Variants in LRP12 observed in about 807,000 individuals in gnomAD.
The protein encoded by LRP12 is low-density lipoprotein receptor-related protein 12.
LRP12 carries 14 observed loss-of-function variants against 66.0 expected under a neutral mutation model. The ratio of observed to expected loss-of-function variants is 0.21; its 90% CI spans 0.14 to 0.33. The LOEUF (loss-of-function observed/expected upper bound fraction) is 0.33. Ranked by LOEUF, LRP12 falls within the 10% of genes least tolerant of loss-of-function variation. The pLI, the probability that LRP12 is intolerant of heterozygous loss-of-function variation, is 1.00. For missense variants in LRP12, 889 were observed against 1,053.4 expected, an observed-to-expected ratio of 0.84 and a Z score of 2.16; for synonymous variants, 357 against 359.1, an observed-to-expected ratio of 0.99 and a Z score of 0.07.
chr8:104,568,059 T>C (rs1812031421), intron 1 of LRP12, among the ~76,000 whole-genome samples: 1 of 152,170 alleles, frequency 6.6e-6, no homozygotes, highest in African/African-American at 2.4e-5. Flanking sequence ...GACAGTGTGG[T>C]ACTAGCATAG....
chr8:104,501,658 C>T (rs1810829253), intron 3 of LRP12, among the ~76,000 whole-genome samples: 1 of 150,482 alleles, frequency 6.6e-6, no homozygotes, highest in Admixed American at 6.6e-5. Flanking sequence ...GAGCTAAGAT[C>T]GCACCACTGC....
intron 3 of LRP12, chr8:104,508,332 C>T (rs1410437217): frequency 6.6e-6 from 1 of 152,136 alleles, no homozygotes; most frequent in Non-Finnish European, 1.5e-5. Flanking sequence ...CTTAACCTTC[C>T]TTATTTATAT....
chr8:104,526,820 A>G (rs1811246473), intron 2 of LRP12, among the ~76,000 whole-genome samples: 1 of 145,010 alleles, frequency 6.9e-6, no homozygotes, highest in Non-Finnish European at 1.5e-5. Flanking sequence ...ACAAAAGCCA[A>G]AATTGACAAA....
Position 104,497,659 on chromosome 8 carries a change from A to G in LRP12, c.893T>C (p.Ile298Thr). The change falls in exon 5 of 7, where the codon ATT (isoleucine) becomes ACT (threonine). Residue 298 changes from isoleucine (I) to threonine (T), a missense_variant. Transcript: ENST00000276654. The surrounding 1 kb of genome is among the most constrained non-coding windows in gnomAD (Gnocchi z 4.3). ...AAGTTTAAAGTCAGTGAAGCGTAAA[A>G]TGACTTTACGGTGATCACCAGTGTC... ...LIDTGDHRKV[I>T]LRFTDFKLDG... The G allele has an allele frequency of 6.2e-7, 1 of 1,614,110 alleles. No homozygotes were observed. Among genetic ancestry groups the G allele is most frequent in the Non-Finnish European group, 8.5e-7 (1 of 1,179,968 alleles).
intron 2 of LRP12, among the ~76,000 whole-genome samples, chr8:104,525,827 G>A (rs1175064437): frequency 1.3e-5 from 2 of 152,182 alleles, no homozygotes; most frequent in African/African-American, 4.8e-5. Flanking sequence ...GGAAATTCTG[G>A]CCAGGGCAAT....
intron 1 of LRP12, among the ~76,000 whole-genome samples, chr8:104,572,115 A>T (rs1812088421): frequency 6.6e-6 from 1 of 152,230 alleles, no homozygotes; most frequent in Non-Finnish European, 1.5e-5. Flanking sequence ...ATGTGCATGA[A>T]TCTCCAAGAT....
In LRP12 at chr8:104,495,079, GA is replaced by G; in HGVS notation, c.1710del (p.Gln571ArgfsTer8). ...AGAAATTACACATTGCAATATACCT[GA>G]TTAGGTGAACAAACAGGAAAATCTT... is the stretch of plus-strand genomic sequence containing the variant. ...PVEDFPVCSP[N>X]QASVLENLRL... On this transcript the variant is annotated frameshift_variant, in exon 6 of 7. Coordinates refer to ENST00000276654, the MANE Select transcript of LRP12 (RefSeq NM_013437.5). LOFTEE classifies it high-confidence loss of function. The G allele has an allele frequency of 6.2e-7, 1 of 1,613,226 alleles. No homozygotes were observed. Among genetic ancestry groups the G allele is most frequent in the Non-Finnish European group, 8.5e-7 (1 of 1,179,552 alleles).
intron 1 of LRP12, among the ~76,000 whole-genome samples, chr8:104,541,799 T>C (rs546249844): frequency 1.3e-5 from 2 of 152,326 alleles, no homozygotes; most frequent in Admixed American, 6.5e-5. Flanking sequence ...CCTAGCCTTA[T>C]GTTTTCATGA....
chr8:104,511,341 ATT>A (rs57946758), intron 2 of LRP12, among the ~76,000 whole-genome samples: 2 of 143,252 alleles, frequency 1.4e-5, no homozygotes, highest in Admixed American at 7.0e-5. Flanking sequence ...CGCGCCCAGC[ATT>A]TTTTTTTTTT....
At chr8:104,524,235 C>G (rs1208778552) in intron 2 of LRP12, among the ~76,000 whole-genome samples, 1 of 106,220 alleles carries the variant, frequency 9.4e-6, no homozygotes, top group Non-Finnish European at 1.8e-5. Flanking sequence ...AAGTCAGACC[C>G]TGTCTCAAAA....
chr8:104,497,546 CA>C lies in LRP12; in HGVS notation c.1005del (p.Phe335LeufsTer16). On this transcript the variant is annotated frameshift_variant, in exon 5 of 7. Transcript: ENST00000276654. LOFTEE classifies it high-confidence loss of function. The surrounding 1 kb of genome is among the most constrained non-coding windows in gnomAD (Gnocchi z 4.3). Reference sequence around the variant, plus strand: ...ACAACTGTAAGAGGTGCATGAGAATCAAAAGCTGTCAACACACGCAAAAGCT... The same window carrying C: ...ACAACTGTAAGAGGTGCATGAGAATCAAAGCTGTCAACACACGCAAAAGCT... ...PHKLLRVLTA[F>X]DSHAPLTVVS... The C allele has an allele frequency of 6.2e-7, 1 of 1,613,730 alleles. No homozygotes were observed. Among genetic ancestry groups the C allele is most frequent in the Non-Finnish European group, 8.5e-7 (1 of 1,179,894 alleles).
At chr8:104,515,585 A>C (rs1328186835) in intron 2 of LRP12, among the ~76,000 whole-genome samples, 2 of 152,210 alleles carry the variant, frequency 1.3e-5, no homozygotes, top group Non-Finnish European at 2.9e-5. Context: ...CACCACTATG[A>C]AAACAAAACA....
chr8:104,547,195 C>CATATTTTGTATATAATATACAATTCTGTT, intron 1 of LRP12, among the ~76,000 whole-genome samples: 1 of 132,230 alleles, frequency 7.6e-6, no homozygotes, highest in East Asian at 2.2e-4. Context: ...TATGTTATAT[C>CATATTTTGTATATAATATACAATTCTGTT]ATATTTTGTA....
At chr8:104,500,867 G>A (rs772056919) in intron 3 of LRP12, among the ~76,000 whole-genome samples, 57 of 152,154 alleles carry the variant, frequency 3.7e-4, no homozygotes, top group Non-Finnish European at 7.9e-4. Flanking sequence ...GGAAAAACAT[G>A]TTTATACGAA....
At chr8:104,563,766 T>C (rs189242738) in intron 1 of LRP12, among the ~76,000 whole-genome samples, 84 of 152,212 alleles carry the variant, frequency 5.5e-4, no homozygotes, top group African/African-American at 1.8e-3. Context: ...AATCAGAAAG[T>C]GAGCCCTTAC....
chr8:104,493,265 T>A (rs1468640978), intron 6 of LRP12, among the ~76,000 whole-genome samples: 1 of 152,238 alleles, frequency 6.6e-6, no homozygotes, highest in African/African-American at 2.4e-5. Context: ...ATTACATCAT[T>A]ACTTATTTTT....
rs764136232 is a variant in LRP12 at position 104,497,338 on chromosome 8, C to G, written c.1214G>C (p.Arg405Thr). The change falls in exon 5 of 7, where the codon AGG becomes ACG. Residue 405 changes from arginine (R) to threonine (T), a missense_variant. This residue lies in a region of LRP12 where 800 missense variants were observed against 964.5 expected (regional missense o/e 0.83). Transcript: ENST00000276654. This position sits in a 1 kb window ranked among gnomAD's most constrained non-coding sequence, Gnocchi z 4.3. ...GCACATGGTACAATTGGTTTCATCCCTTCCATTTGGGCAATGCCAATACCC... is the reference window on the plus strand; with the variant it reads ...GCACATGGTACAATTGGTTTCATCCGTTCCATTTGGGCAATGCCAATACCC... ...CDGYWHCPNG[R>T]DETNCTMCQK... 1.2e-6 allele frequency: 2 copies of G among 1,614,072 alleles called. No individual in the cohort carries two copies. The highest frequency in any genetic ancestry group is 2.2e-5 in the South Asian group (2 of 91,050).
intron 1 of LRP12, among the ~76,000 whole-genome samples, chr8:104,549,311 C>A (rs1811689802): frequency 6.6e-6 from 1 of 152,028 alleles, no homozygotes; most frequent in Non-Finnish European, 1.5e-5. Flanking sequence ...TAGCTTTTAC[C>A]CCTAGCACAT....
chr8:104,507,438 G>A (rs1338691798), intron 3 of LRP12: 1 of 152,096 alleles, frequency 6.6e-6, no homozygotes, highest in East Asian at 1.9e-4. Flanking sequence ...AAACCAGATG[G>A]CAGTATTTCA....
Sources: gnomAD v4.1 joint callset for allele counts (sites outside exome capture counted in the v4.1 genomes callset) on GRCh38, gnomAD v4.1.1 for gene constraint, gnomAD v4.1.1 regional missense constraint, Gnocchi (gnomAD v3.1) non-coding constraint, MANE v1.5 for transcripts, NCBI Gene and HGNC (gene_info 2026-07-23, HGNC 2026-07-21) for gene names.